The following NOL4 variants were observed in gnomAD, a reference collection of about 807,000 sequenced individuals.
The protein encoded by NOL4 is nucleolar protein 4, also known as cancer/testis antigen 125.
In NOL4, 17 loss-of-function variants were observed where a neutral mutation model predicts 75.9. That is an observed-to-expected ratio of 0.22 (90% CI 0.15 to 0.34). The LOEUF (loss-of-function observed/expected upper bound fraction) is 0.34, where lower values mean the gene tolerates loss of function less well. Among genes scored for constraint, NOL4 ranks in the 10% least tolerant of loss-of-function variants. The pLI is 1.00. For synonymous variants in NOL4, 292 were observed against 289.9 expected (o/e 1.01, Z -0.07); for missense variants, 614 against 793.5 (o/e 0.77, Z 2.72).
At chr18:33,968,550 C>T (rs1380498630) in intron 6 of NOL4, among the ~76,000 whole-genome samples, 2 of 152,116 alleles carry the variant, frequency 1.3e-5, no homozygotes, top group Admixed American at 6.6e-5. Flanking sequence ...CATGTCAACA[C>T]TTATAAGGGA....
chr18:34,100,304 G>A (rs2078987006), intron 4 of NOL4, among the ~76,000 whole-genome samples: 2 of 151,738 alleles, frequency 1.3e-5, no homozygotes, highest in Non-Finnish European at 2.9e-5. Flanking sequence ...TAATTTCTCT[G>A]ATTTTAGAAA....
chr18:34,071,434 G>C (rs62095773), intron 5 of NOL4, among the ~76,000 whole-genome samples: 1 of 66,520 alleles, frequency 1.5e-5, no homozygotes, highest in East Asian at 7.1e-4. Flanking sequence ...CAGACAGACA[G>C]ACAGACACAC....
At chr18:33,900,372 C>A (rs1292529658) in intron 9 of NOL4, among the ~76,000 whole-genome samples, 3 of 152,158 alleles carry the variant, frequency 2.0e-5, no homozygotes, top group Non-Finnish European at 4.4e-5. Context: ...AGCTCCAACA[C>A]TGGGGATGAC....
At chr18:34,037,903 T>C (rs1032565122) in intron 5 of NOL4, among the ~76,000 whole-genome samples, 1 of 151,340 alleles carries the variant, frequency 6.6e-6, no homozygotes, top group Admixed American at 6.6e-5. Flanking sequence ...AAGATTATAC[T>C]AAACTAAAAA....
intron 10 of NOL4, among the ~76,000 whole-genome samples, chr18:33,871,257 G>C (rs1248609274): frequency 1.3e-5 from 2 of 151,992 alleles, no homozygotes; most frequent in African/African-American, 4.8e-5. Flanking sequence ...TACACTCTTG[G>C]AATGATTCAA....
At chr18:33,877,296 G>C (rs1599711305) in intron 10 of NOL4, among the ~76,000 whole-genome samples, 1 of 151,630 alleles carries the variant, frequency 6.6e-6, no homozygotes, top group South Asian at 2.1e-4. Context: ...GTGATATCCT[G>C]TCTCAAAAAA....
At chr18:33,989,167 G>A (rs1460466063) in intron 6 of NOL4, among the ~76,000 whole-genome samples, 1 of 117,240 alleles carries the variant, frequency 8.5e-6, no homozygotes. Context: ...CAGCCTAGGT[G>A]ACAGAGTGAG....
intron 5 of NOL4, among the ~76,000 whole-genome samples, chr18:34,089,706 C>T (rs1600544087): frequency 6.6e-6 from 1 of 152,162 alleles, no homozygotes; most frequent in South Asian, 2.1e-4. Context: ...CCACAAGGGA[C>T]ATTTGCAACA....
intron 5 of NOL4, among the ~76,000 whole-genome samples, chr18:34,055,760 T>G (rs2076809467): frequency 6.6e-6 from 1 of 152,176 alleles, no homozygotes; most frequent in African/African-American, 2.4e-5. Context: ...GTCTGATTGA[T>G]GGTACCCCAT....
chr18:34,200,477 A>G (rs1421458716), intron 1 of NOL4, among the ~76,000 whole-genome samples: 1 of 151,772 alleles, frequency 6.6e-6, no homozygotes, highest in African/African-American at 2.4e-5. Flanking sequence ...TTATTCTTTG[A>G]TACAATGTTG....
intron 1 of NOL4, among the ~76,000 whole-genome samples, chr18:34,191,164 C>G (rs1015918185): frequency 3.3e-5 from 5 of 152,062 alleles, no homozygotes; most frequent in African/African-American, 1.2e-4. Flanking sequence ...GAAAATTCCA[C>G]AAGTACTTGG....
chr18:34,034,811 A>C (rs1480401704), intron 5 of NOL4, among the ~76,000 whole-genome samples: 1 of 152,084 alleles, frequency 6.6e-6, no homozygotes, highest in African/African-American at 2.4e-5. Context: ...ACATCAGATA[A>C]AATGTACTTC....
At chr18:33,992,933 C>T (rs1357685250) in intron 6 of NOL4, among the ~76,000 whole-genome samples, 1 of 151,940 alleles carries the variant, frequency 6.6e-6, no homozygotes, top group Non-Finnish European at 1.5e-5. Context: ...AATTAATTTG[C>T]AACAGAGCAA....
chr18:34,019,954 A>G (rs1014348777), intron 5 of NOL4, among the ~76,000 whole-genome samples: 4 of 151,624 alleles, frequency 2.6e-5, no homozygotes, highest in Admixed American at 2.6e-4. Flanking sequence ...TAGGAGAGCT[A>G]GTTGTTTAAA....
At chr18:33,950,220 A>T (rs2069120290) in intron 8 of NOL4, among the ~76,000 whole-genome samples, 1 of 150,876 alleles carries the variant, frequency 6.6e-6, no homozygotes, top group Non-Finnish European at 1.5e-5. Flanking sequence ...ATCAAGTGTA[A>T]TTTTTTTTTA....
intron 1 of NOL4, among the ~76,000 whole-genome samples, chr18:34,134,127 A>G (rs989341872): frequency 3.3e-5 from 5 of 152,162 alleles, no homozygotes; most frequent in Non-Finnish European, 4.4e-5. Flanking sequence ...TTTAACATAT[A>G]TAGATGTTTT....
At chr18:34,094,954 A>T (rs1040858758) in intron 4 of NOL4, among the ~76,000 whole-genome samples, 3 of 152,142 alleles carry the variant, frequency 2.0e-5, no homozygotes, top group African/African-American at 7.2e-5. Flanking sequence ...TGGTTTCATA[A>T]ATGACATCTT....
chr18:34,170,966 T>C (rs2032974852), intron 1 of NOL4, among the ~76,000 whole-genome samples: 1 of 152,138 alleles, frequency 6.6e-6, no homozygotes, highest in Admixed American at 6.6e-5. Context: ...TAAAATACAG[T>C]TTTCTATAAT....
chr18:34,045,923 C>CA (rs1202593491), intron 5 of NOL4, among the ~76,000 whole-genome samples: 1 of 152,118 alleles, frequency 6.6e-6, no homozygotes. Context: ...AAAATACACA[C>CA]ATCAACCATC....
Sources: gnomAD v4.1 joint callset for allele counts (sites outside exome capture counted in the v4.1 genomes callset) on GRCh38, gnomAD v4.1.1 for gene constraint, MANE v1.5 for transcripts, NCBI Gene and HGNC (gene_info 2026-07-23, HGNC 2026-07-21) for gene names.